VIPR2: variants seen among roughly 807,000 people sequenced by gnomAD.
VIPR2 encodes the protein vasoactive intestinal polypeptide receptor 2.
In VIPR2, 48 loss-of-function variants were observed where a neutral mutation model predicts 58.0. The observed-to-expected ratio is 0.83, with a 90% CI of 0.66 to 1.05. VIPR2 has a LOEUF of 1.05. Ranked by LOEUF, VIPR2 falls within the 50% of genes least tolerant of loss-of-function variation. The pLI is 0.00. For missense variants in VIPR2, 534 were observed against 558.0 expected, an observed-to-expected ratio of 0.96 and a Z score of 0.43; for synonymous variants, 243 against 235.2, an observed-to-expected ratio of 1.03 and a Z score of -0.30.
chr7:159,106,355 C>T (rs1858646382), intron 3 of VIPR2, among the ~76,000 whole-genome samples: 1 of 152,220 alleles, frequency 6.6e-6, no homozygotes, highest in Non-Finnish European at 1.5e-5. Flanking sequence ...TGTGGAAGGA[C>T]AGGAAATGAC....
chr7:159,107,415 T>G (rs146145787), intron 3 of VIPR2, among the ~76,000 whole-genome samples: 1 of 152,324 alleles, frequency 6.6e-6, no homozygotes, highest in East Asian at 1.9e-4. Flanking sequence ...TCCTCGTGCC[T>G]CTCACCCTGG....
intron 2 of VIPR2, among the ~76,000 whole-genome samples, chr7:159,122,333 C>T (rs1328409835): frequency 1.3e-5 from 2 of 152,206 alleles, no homozygotes; most frequent in African/African-American, 4.8e-5. Context: ...ACAAACAGAA[C>T]TGAGGTGGTG....
rs1254857672 is a variant in VIPR2 at position 159,096,338 on chromosome 7, C to A, written c.357+7419G>T. 6.6e-6 allele frequency among the ~76,000 whole-genome samples: 1 copy of A among 152,338 alleles called. No individual in the cohort carries two copies. The highest frequency in any genetic ancestry group is 1.9e-4 in the East Asian group (1 of 5,184). On this transcript the variant is annotated intron_variant, in intron 4 of 12. Coordinates refer to ENST00000262178, the MANE Select transcript of VIPR2 (RefSeq NM_003382.5). This position sits in a 1 kb window ranked among gnomAD's most constrained non-coding sequence, Gnocchi z 5.5. ...GGTCAGGCACGTACCTCCCCTCCTCCGGCATCGGCCAGCTCCATGCCCAGA... is the reference window on the plus strand; with the variant it reads ...GGTCAGGCACGTACCTCCCCTCCTCAGGCATCGGCCAGCTCCATGCCCAGA...
chr7:159,030,688 C>T lies in VIPR2; in HGVS notation c.1245G>A (p.Ser415=), dbSNP rs1473194976. ...VCGSSFSRNG[S]EGALQFHRGS... ...CGCGGTGGAACTGCAGGGCGCCCTC[C>T]GAGCCGTTGCGGGAGAAGGAGGAAC... Residue 415 remains serine, a synonymous_variant, in exon 13 of 13, where the codon TCG becomes TCA. Transcript: ENST00000262178. 6.3e-7 allele frequency: 1 copy of T among 1,575,360 alleles called. No homozygotes were observed. Among genetic ancestry groups the T allele is most frequent in the South Asian group, 1.2e-5 (1 of 86,034 alleles).
intron 4 of VIPR2, among the ~76,000 whole-genome samples, chr7:159,084,727 G>T (rs1181177827): frequency 6.6e-6 from 1 of 152,222 alleles, no homozygotes; most frequent in Non-Finnish European, 1.5e-5. Context: ...TGCTGGCGCG[G>T]AGTGGGGTAC....
chr7:159,060,569 A>C (rs1400080331), intron 4 of VIPR2, among the ~76,000 whole-genome samples: 1 of 147,726 alleles, frequency 6.8e-6, no homozygotes, highest in East Asian at 2.0e-4. Context: ...ATCTCCACCT[A>C]ACCACTTTAC....
chr7:159,045,013 C>T (rs1038682069), intron 5 of VIPR2, among the ~76,000 whole-genome samples: 3 of 152,142 alleles, frequency 2.0e-5, no homozygotes, highest in East Asian at 1.9e-4. Flanking sequence ...GTATGTGATC[C>T]GCCTGCCTTG....
chr7:159,054,978 ATACC>A (rs1374223506), intron 5 of VIPR2, among the ~76,000 whole-genome samples: 1 of 152,226 alleles, frequency 6.6e-6, no homozygotes, highest in African/African-American at 2.4e-5. Context: ...ATATACACAC[ATACC>A]TAAAGTAACA....
At chr7:159,078,720 C>T (rs762830697) in intron 4 of VIPR2, among the ~76,000 whole-genome samples, 5 of 152,144 alleles carry the variant, frequency 3.3e-5, no homozygotes, top group Admixed American at 2.0e-4. Context: ...AGGAGGAGCA[C>T]GTTGTTGCAT....
At chr7:159,105,281 A>G (rs981560141) in intron 3 of VIPR2, among the ~76,000 whole-genome samples, 1 of 152,136 alleles carries the variant, frequency 6.6e-6, no homozygotes, top group Non-Finnish European at 1.5e-5. Flanking sequence ...GGACCCCTCC[A>G]TGCACTCCTG....
chr7:159,038,830 T>C (rs938022238), intron 6 of VIPR2, among the ~76,000 whole-genome samples: 17 of 152,226 alleles, frequency 1.1e-4, no homozygotes, highest in African/African-American at 4.1e-4. Flanking sequence ...AGCTTTTAGA[T>C]GGTAAAAATA....
At chr7:159,053,547 T>C (rs1855130069) in intron 5 of VIPR2, among the ~76,000 whole-genome samples, 1 of 152,154 alleles carries the variant, frequency 6.6e-6, no homozygotes, top group South Asian at 2.1e-4. Flanking sequence ...TTTTGTTTTT[T>C]TTGTTTTTTT....
At chr7:159,042,995 G>A in intron 6 of VIPR2, 40 bp downstream of exon 6, 1 of 1,602,052 alleles carries the variant, frequency 6.2e-7, no homozygotes. Flanking sequence ...CAGAGATAAA[G>A]GGACAAGACA....
At chr7:159,079,989 A>G (rs1403908804) in intron 4 of VIPR2, among the ~76,000 whole-genome samples, 8 of 152,186 alleles carry the variant, frequency 5.3e-5, no homozygotes, top group East Asian at 1.9e-4. Flanking sequence ...CTTACCAACC[A>G]AAAAAAGTCC....
Position 159,097,049 on chromosome 7 carries a change from G to C in VIPR2, c.357+6708C>G, listed in dbSNP as rs1857900679. The stretch of plus-strand genomic sequence containing the variant: ...GGGCAGGCCGCTCTGGGGGTCTCTG[G>C]CAGGCTCCTCCTGGCACCCTGGGAG... On this transcript the variant is annotated intron_variant, in intron 4 of 12. Coordinates refer to ENST00000262178, the MANE Select transcript of VIPR2 (RefSeq NM_003382.5). This position sits in a 1 kb window ranked among gnomAD's most constrained non-coding sequence, Gnocchi z 5.3. 7 of 1,548,346 alleles carry C rather than the reference G, an allele frequency of 4.5e-6. No individual in the cohort carries two copies. The highest frequency in any genetic ancestry group is 6.1e-6 in the Non-Finnish European group (7 of 1,145,500).
At chr7:159,059,213 A>G in intron 4 of VIPR2, 1 of 470,936 alleles carries the variant, frequency 2.1e-6, no homozygotes, top group Non-Finnish European at 4.4e-6. Context: ...GACAACAGGG[A>G]ATCCTACACA....
intron 4 of VIPR2, among the ~76,000 whole-genome samples, chr7:159,065,002 C>T (rs534599449): frequency 2.6e-5 from 4 of 152,104 alleles, no homozygotes; most frequent in Non-Finnish European, 5.9e-5. Context: ...GTGGGAACTC[C>T]GTGGGACTTG....
At position 159,030,761 on chromosome 7, in the gene VIPR2, C is replaced by T. The variant is rs1207352245; in HGVS notation, c.1172G>A (p.Arg391Gln). 1 of 1,593,324 alleles carries T rather than the reference C, an allele frequency of 6.3e-7. No individual in the cohort carries two copies. Among genetic ancestry groups the T allele is most frequent in the Non-Finnish European group, 8.5e-7 (1 of 1,171,232 alleles). Residue 391 changes from arginine to glutamine, a missense_variant, in exon 13 of 13, where the codon CGA (arginine) becomes CAA (glutamine). Arg to Gln is a conservative substitution (Grantham distance 43). Transcript: ENST00000262178. Reference sequence around the variant, plus strand: ...CGCGGACGGGGTCGGGCACCGGCTTCGCCATTTTCGCTTCAGCTCGCACTG... The same window carrying T: ...CGCGGACGGGGTCGGGCACCGGCTTTGCCATTTTCGCTTCAGCTCGCACTG... ...EVQCELKRKW[R>Q]SRCPTPSASR...
chr7:159,095,530 T>A lies in VIPR2; in HGVS notation c.357+8227A>T, dbSNP rs1857776690. ...AAGGCAAAGCACGTATAAATTTAAG[T>A]GGTTTTTTTAGTACTTAAAATTTGA... On this transcript the variant is annotated intron_variant, in intron 4 of 12. Transcript: ENST00000262178. This position sits in a 1 kb window ranked among gnomAD's most constrained non-coding sequence, Gnocchi z 5.2. Among the ~76,000 whole-genome samples the A allele has an allele frequency of 6.6e-6, 1 of 152,262 alleles. No individual in the cohort carries two copies. The highest frequency in any genetic ancestry group is 2.1e-4 in the South Asian group (1 of 4,836).
Sources: gnomAD v4.1 joint callset for allele counts (sites outside exome capture counted in the v4.1 genomes callset) on GRCh38, gnomAD v4.1.1 for gene constraint, Gnocchi (gnomAD v3.1) non-coding constraint, MANE v1.5 for transcripts, NCBI Gene and HGNC (gene_info 2026-07-23, HGNC 2026-07-21) for gene names.